The following UBXN7 variants were observed in gnomAD, a reference collection of about 807,000 sequenced individuals.
UBXN7 encodes UBX domain protein 7.
In UBXN7, 9 loss-of-function variants were observed where a neutral mutation model predicts 58.0. The ratio of observed to expected loss-of-function variants is 0.16; its 90% CI spans 0.09 to 0.27. UBXN7 has a LOEUF of 0.27. Among genes scored for constraint, UBXN7 ranks in the 10% least tolerant of loss-of-function variants. UBXN7 has a pLI of 1.00. For missense variants in UBXN7, 328 were observed against 599.6 expected, an observed-to-expected ratio of 0.55 and a Z score of 4.73; for synonymous variants, 208 against 205.0, an observed-to-expected ratio of 1.01 and a Z score of -0.12.
chr3:196,428,451 T>TA (rs58227025), intron 1 of UBXN7, among the ~76,000 whole-genome samples: 126 of 146,192 alleles, frequency 8.6e-4, no homozygotes, highest in Non-Finnish European at 1.5e-3. Flanking sequence ...AGACCGTCTT[T>TA]AAAAAAAAAA....
rs1314560655 is a variant in UBXN7 at position 196,371,940 on chromosome 3, C to G, written c.571G>C (p.Glu191Gln). The change falls in exon 6 of 11, where the codon GAA (glutamate) becomes CAA (glutamine). Residue 191 changes from glutamate to glutamine, a missense_variant. This residue lies in a region of UBXN7 where 126 missense variants were observed against 302.6 expected (regional missense o/e 0.42). Coordinates refer to ENST00000296328, the MANE Select transcript of UBXN7 (RefSeq NM_015562.2). Reference protein sequence around the residue: ...QCLNRDVWSNEAVKNIIREHF... With the variant: ...QCLNRDVWSNQAVKNIIREHF... The stretch of plus-strand genomic sequence containing the variant: ...TCCCGGATAATATTCTTCACAGCTT[C>G]GTTGCTCCACACATCGCGGTTGAGG... 6.2e-7 allele frequency: 1 copy of G among 1,613,772 alleles called. No homozygotes were observed. The highest frequency in any genetic ancestry group is 1.3e-5 in the African/African-American group (1 of 75,034).
At chr3:196,425,917 C>T (rs1425901772) in intron 1 of UBXN7, among the ~76,000 whole-genome samples, 1 of 152,116 alleles carries the variant, frequency 6.6e-6, no homozygotes, top group Non-Finnish European at 1.5e-5. Flanking sequence ...TATTCTAATA[C>T]CTATTCGTGT....
chr3:196,417,107 A>T (rs1730512977), intron 1 of UBXN7, among the ~76,000 whole-genome samples: 1 of 152,134 alleles, frequency 6.6e-6, no homozygotes, highest in Admixed American at 6.6e-5. Context: ...AGGTCAGGAG[A>T]TCGAGACCAT....
rs1312349986 is a variant in UBXN7 at position 196,351,969 on chromosome 3, A to T, written c.*4716T>A. 1 of 152,176 alleles carries T rather than the reference A, an allele frequency of 6.6e-6. No homozygotes were observed. The highest frequency in any genetic ancestry group is 1.5e-5 in the Non-Finnish European group (1 of 68,026). 9.4% of individuals were successfully genotyped at this position (152,176 alleles called of 1,614,324 possible). On this transcript the variant is annotated 3_prime_UTR_variant, in exon 11 of 11. Transcript: ENST00000296328. ...CAAGCTAGGAATCTTTACTCCAGGGATCAATAATCCTTTCCTACTTGGGTA... is the reference window on the plus strand; with the variant it reads ...CAAGCTAGGAATCTTTACTCCAGGGTTCAATAATCCTTTCCTACTTGGGTA...
Position 196,349,868 on chromosome 3 carries a change from A to C in UBXN7, c.*6817T>G, listed in dbSNP as rs4513483. ...AGATTAATAACTTCTTTTGATGAGA[A>C]AAAATATTACTTAGGTTTAGTCCAG... On this transcript the variant is annotated 3_prime_UTR_variant, in exon 11 of 11. Transcript: ENST00000296328. The C allele has an allele frequency of 3.3e-5, 5 of 152,106 alleles. No individual in the cohort carries two copies. The highest frequency in any genetic ancestry group is 1.2e-4 in the African/African-American group (5 of 41,460). The allele number at this position is 152,106 out of a possible 1,614,324, so 9.4% of individuals were successfully genotyped here. A position where few individuals can be genotyped will look rare whatever the true frequency, so the allele number is the denominator to read the frequency against.
chr3:196,424,383 A>AT (rs869183431), intron 1 of UBXN7, among the ~76,000 whole-genome samples: 2,734 of 104,860 alleles, frequency 0.026, 77 homozygotes, highest in Middle Eastern at 0.044. Context: ...TCTTTTCCTA[A>AT]TTTTTTTTTT....
intron 3 of UBXN7, among the ~76,000 whole-genome samples, chr3:196,397,971 T>G (rs1729827556): frequency 6.6e-6 from 1 of 152,168 alleles, no homozygotes; most frequent in Non-Finnish European, 1.5e-5. Flanking sequence ...AGCCCCCAAT[T>G]TTCCCTGTCT....
rs1018368192 is a variant in UBXN7, at chr3:196,427,564, C to T, written c.73+4763G>A. Reference sequence around the variant, plus strand: ...AGCTCCTGACCTCCGGTGATCCACCCGCCTTGGCCTCCCAAAGTGCCTGGG... The same window carrying T: ...AGCTCCTGACCTCCGGTGATCCACCTGCCTTGGCCTCCCAAAGTGCCTGGG... On this transcript the variant is annotated intron_variant, in intron 1 of 10. Transcript: ENST00000296328. Among the ~76,000 whole-genome samples the T allele has an allele frequency of 2.6e-5, 4 of 152,220 alleles. No individual in the cohort carries two copies. In the East Asian group the frequency reaches 5.8e-4, roughly 22 times the overall value.
intron 5 of UBXN7, among the ~76,000 whole-genome samples, chr3:196,374,926 G>GAAGGGAAGGGAAGGA (rs1214127872): frequency 7.9e-5 from 1 of 12,714 alleles, no homozygotes; most frequent in Non-Finnish European, 1.6e-4. Context: ...AGGGGGAGGG[G>GAAGGGAAGGGAAGGA]AAGGGAAGAA....
intron 3 of UBXN7, among the ~76,000 whole-genome samples, chr3:196,395,378 A>G (rs566661627): frequency 6.6e-6 from 1 of 152,326 alleles, no homozygotes; most frequent in East Asian, 1.9e-4. Context: ...GTATATGTGT[A>G]TGTTTTTATG....
intron 8 of UBXN7, among the ~76,000 whole-genome samples, chr3:196,364,364 G>GT (rs1309610303): frequency 6.6e-6 from 1 of 152,082 alleles, no homozygotes; most frequent in Admixed American, 6.6e-5. Context: ...CATTGTGATA[G>GT]TATTTTTAAA....
chr3:196,412,399 A>T (rs556677975), intron 1 of UBXN7, among the ~76,000 whole-genome samples: 1 of 152,232 alleles, frequency 6.6e-6, no homozygotes, highest in East Asian at 1.9e-4. Flanking sequence ...GCTTATACCC[A>T]TTAAAAAGGC....
intron 5 of UBXN7, among the ~76,000 whole-genome samples, chr3:196,374,790 T>C (rs1422792854): frequency 2.8e-5 from 4 of 142,976 alleles, no homozygotes; most frequent in Non-Finnish European, 4.5e-5. Context: ...TGAGGCAGAA[T>C]TGCTTGAACC....
intron 1 of UBXN7, among the ~76,000 whole-genome samples, chr3:196,419,292 TTAAA>T (rs756643464): frequency 1.3e-3 from 192 of 148,966 alleles, no homozygotes; most frequent in Middle Eastern, 3.4e-3. Flanking sequence ...TCTAAATAAA[TTAAA>T]TAAATAAATA....
At chr3:196,406,408 C>T (rs1319113245) in intron 2 of UBXN7, among the ~76,000 whole-genome samples, 1 of 151,486 alleles carries the variant, frequency 6.6e-6, no homozygotes, top group Non-Finnish European at 1.5e-5. Context: ...AAATACATGG[C>T]CAACATTAAC....
chr3:196,413,333 T>C (rs1420477489), intron 1 of UBXN7, among the ~76,000 whole-genome samples: 1 of 151,956 alleles, frequency 6.6e-6, no homozygotes, highest in African/African-American at 2.4e-5. Context: ...AGCGAAACTC[T>C]GTCTCAAAAA....
intron 3 of UBXN7, among the ~76,000 whole-genome samples, chr3:196,398,206 G>C (rs994427961): frequency 2.0e-5 from 3 of 152,202 alleles, no homozygotes; most frequent in Non-Finnish European, 2.9e-5. Context: ...TTCAGGCTTT[G>C]AGATGAATGG....
At chr3:196,381,125 G>A (rs1389598588) in intron 5 of UBXN7, among the ~76,000 whole-genome samples, 1 of 152,242 alleles carries the variant, frequency 6.6e-6, no homozygotes, top group Non-Finnish European at 1.5e-5. Flanking sequence ...GAAGAGAGCA[G>A]TGGTTCTCCC....
At chr3:196,395,725 T>C (rs1296398124) in intron 3 of UBXN7, among the ~76,000 whole-genome samples, 3 of 152,090 alleles carry the variant, frequency 2.0e-5, no homozygotes, top group Non-Finnish European at 4.4e-5. Flanking sequence ...CCCAAAGTGC[T>C]GGGATTACAG....
Sources: allele counts gnomAD v4.1 joint callset (sites outside exome capture counted in the v4.1 genomes callset), GRCh38; gene constraint gnomAD v4.1.1; regional missense constraint gnomAD v4.1.1; transcripts MANE v1.5; gene names NCBI Gene and HGNC (gene_info 2026-07-23, HGNC 2026-07-21).